The following PRRX2 variants were observed in gnomAD, a reference collection of about 807,000 sequenced individuals.
PRRX2 encodes the protein paired related homeobox 2.
Under a neutral mutation model 18.0 loss-of-function variants are expected in PRRX2, and 11 were observed. That is an observed-to-expected ratio of 0.61 (90% CI 0.39 to 1.01). The LOEUF (loss-of-function observed/expected upper bound fraction) is 1.01. PRRX2 is among the 50% of genes least tolerant of loss of function. The probability of loss-of-function intolerance (pLI) is 0.01; values close to 1 mark genes in which losing one functional copy is unlikely to be tolerated. For missense variants in PRRX2, 387 were observed against 351.0 expected (o/e 1.10, Z -0.82); for synonymous variants, 177 against 154.8 (o/e 1.14, Z -1.06).
rs1370496604 is a variant in PRRX2 at position 129,709,793 on chromosome 9, G to A, written c.260-9438G>A. Among the ~76,000 whole-genome samples the A allele has an allele frequency of 6.6e-6, 1 of 151,774 alleles. No homozygotes were observed. Among genetic ancestry groups the A allele is most frequent in the Admixed American group, 6.6e-5 (1 of 15,248 alleles). ...CCTCCCCCAGCCTCTTCCTCACTCG[G>A]AGGACGTGTCCTCACCAGGCCTCCA... On this transcript the variant is annotated intron_variant, in intron 1 of 3. Transcript: ENST00000372469. The surrounding 1 kb of genome is among the most constrained non-coding windows in gnomAD (Gnocchi z 4.2).
intron 1 of PRRX2, among the ~76,000 whole-genome samples, chr9:129,692,100 C>T (rs1832367772): frequency 6.6e-6 from 1 of 151,044 alleles, no homozygotes; most frequent in Non-Finnish European, 1.5e-5. Flanking sequence ...TACACACCAC[C>T]ACGCCTGGCT....
intron 1 of PRRX2, among the ~76,000 whole-genome samples, chr9:129,698,434 G>A (rs1479286496): frequency 6.6e-6 from 1 of 152,220 alleles, no homozygotes; most frequent in East Asian, 1.9e-4. Flanking sequence ...AGTTCCCCCT[G>A]GTGTGCAGCC....
chr9:129,666,625 C>T (rs1441917772), intron 1 of PRRX2, among the ~76,000 whole-genome samples: 2 of 148,806 alleles, frequency 1.3e-5, no homozygotes, highest in African/African-American at 2.5e-5. Flanking sequence ...TGGAACGGCC[C>T]AGCCAGGCCT....
chr9:129,695,284 C>T lies in PRRX2; in HGVS notation c.260-23947C>T, dbSNP rs1398563352. Among the ~76,000 whole-genome samples the T allele has an allele frequency of 6.6e-6, 1 of 152,164 alleles. No homozygotes were observed. ...CTGGCTAAGGGGGACAGAGGAGAGG[C>T]CATGGAGGAGAAGGAAAGGCAAGAG... On this transcript the variant is annotated intron_variant, in intron 1 of 3. Coordinates refer to ENST00000372469, the MANE Select transcript of PRRX2 (RefSeq NM_016307.4). The surrounding 1 kb of genome is among the most constrained non-coding windows in gnomAD (Gnocchi z 4.8).
chr9:129,694,054 G>A lies in PRRX2; in HGVS notation c.260-25177G>A, dbSNP rs111416861. Among the ~76,000 whole-genome samples the A allele has an allele frequency of 3.0e-3, 457 of 152,224 alleles. 2 individuals are homozygous for A. The highest frequency in any genetic ancestry group is 0.01 in the African/African-American group (422 of 41,530). ...GAAGCTCATCCACCAGAGACCCTCC[G>A]AATCCTCCACAACACAGGGTTCTAA... is the stretch of plus-strand genomic sequence containing the variant. On this transcript the variant is annotated intron_variant, in intron 1 of 3. Coordinates refer to ENST00000372469, the MANE Select transcript of PRRX2 (RefSeq NM_016307.4).
intron 1 of PRRX2, among the ~76,000 whole-genome samples, chr9:129,690,776 G>T (rs929258885): frequency 6.6e-6 from 1 of 151,700 alleles, no homozygotes; most frequent in Non-Finnish European, 1.5e-5. Flanking sequence ...AAAGTGCTGG[G>T]ATTACAGGCA....
chr9:129,682,356 T>C (rs900236245), intron 1 of PRRX2, among the ~76,000 whole-genome samples: 2 of 152,056 alleles, frequency 1.3e-5, no homozygotes, highest in Non-Finnish European at 2.9e-5. Flanking sequence ...GCCATTGCTA[T>C]TATTCGCAAC....
At position 129,715,747 on chromosome 9, in the gene PRRX2, T is replaced by TTCTCTCTCTCTCTCTCTCTC. The variant is rs111270890; in HGVS notation, c.260-3480_260-3479insTCTCTCTCTCTCTCTCTCTC. On this transcript the variant is annotated intron_variant, in intron 1 of 3. Coordinates refer to ENST00000372469, the MANE Select transcript of PRRX2 (RefSeq NM_016307.4). This position sits in a 1 kb window ranked among gnomAD's most constrained non-coding sequence, Gnocchi z 4.0. ...TCCAAACCCAGCTTCAGGGACATCT[T>TTCTCTCTCTCTCTCTCTCTC]TCTCACACACACACACACACACACA... Among the ~76,000 whole-genome samples the TTCTCTCTCTCTCTCTCTCTC allele has an allele frequency of 8.9e-6, 1 of 112,786 alleles. No homozygotes were observed. The allele number at this position is 112,786 out of a possible 152,430, so 74.0% of individuals were successfully genotyped here.
intron 1 of PRRX2, among the ~76,000 whole-genome samples, chr9:129,673,449 C>G (rs1330004099): frequency 6.6e-5 from 10 of 152,032 alleles, no homozygotes; most frequent in Admixed American, 6.6e-4. Flanking sequence ...AGAACAAGAC[C>G]CTGTCTCAAA....
At position 129,695,031 on chromosome 9, in the gene PRRX2, G is replaced by A. The variant is rs953066225; in HGVS notation, c.260-24200G>A. The stretch of plus-strand genomic sequence containing the variant: ...GGGCGAGCTGCAGGCTGGCTCAGAG[G>A]GGTCTGGGGGCAGGGTCCCAGTACC... On this transcript the variant is annotated intron_variant, in intron 1 of 3. Transcript: ENST00000372469. The surrounding 1 kb of genome is among the most constrained non-coding windows in gnomAD (Gnocchi z 4.8). Among the ~76,000 whole-genome samples the A allele has an allele frequency of 3.9e-5, 6 of 152,148 alleles. No individual in the cohort carries two copies. The highest frequency in any genetic ancestry group is 8.8e-5 in the Non-Finnish European group (6 of 68,026).
intron 1 of PRRX2, chr9:129,713,137 C>G (rs1832652605): frequency 6.6e-6 from 1 of 152,244 alleles, no homozygotes; most frequent in African/African-American, 2.4e-5. Context: ...GGTCCTCCTC[C>G]CCGTCCGCGT....
chr9:129,691,551 T>G (rs1832361048), intron 1 of PRRX2, among the ~76,000 whole-genome samples: 1 of 152,150 alleles, frequency 6.6e-6, no homozygotes, highest in Non-Finnish European at 1.5e-5. Context: ...ATGTTGTGGC[T>G]TGAAATTGGC....
intron 1 of PRRX2, among the ~76,000 whole-genome samples, chr9:129,678,376 G>A (rs1588163002): frequency 6.6e-6 from 1 of 152,162 alleles, no homozygotes; most frequent in Non-Finnish European, 1.5e-5. Flanking sequence ...CCTACTGCAC[G>A]CCAGGCCCTG....
At chr9:129,682,935 C>CCG (rs1588164420) in intron 1 of PRRX2, among the ~76,000 whole-genome samples, 1 of 151,922 alleles carries the variant, frequency 6.6e-6, no homozygotes, top group African/African-American at 2.4e-5. Context: ...TGAACCCCCC[C>CCG]CATCTCTACT....
chr9:129,705,272 C>T (rs529082498), intron 1 of PRRX2, among the ~76,000 whole-genome samples: 8 of 152,212 alleles, frequency 5.3e-5, no homozygotes, highest in African/African-American at 1.7e-4. Context: ...GGCACCAAAA[C>T]GCAGGGGCTG....
chr9:129,697,442 C>T (rs1247431712), intron 1 of PRRX2, among the ~76,000 whole-genome samples: 3 of 151,580 alleles, frequency 2.0e-5, no homozygotes, highest in Non-Finnish European at 2.9e-5. Context: ...GTCTGTGTGT[C>T]TGGGCCGCGG....
chr9:129,683,487 G>A (rs982129080), intron 1 of PRRX2, among the ~76,000 whole-genome samples: 3 of 152,128 alleles, frequency 2.0e-5, no homozygotes, highest in Non-Finnish European at 2.9e-5. Flanking sequence ...TGTAATCCCA[G>A]CACTTTGGGA....
Position 129,675,878 on chromosome 9 carries a change from A to T in PRRX2, c.259+9752A>T, listed in dbSNP as rs1048186245. 2.6e-5 allele frequency among the ~76,000 whole-genome samples: 4 copies of T among 152,300 alleles called. No homozygotes were observed. The highest frequency in any genetic ancestry group is 2.9e-5 in the Non-Finnish European group (2 of 68,018). Reference sequence around the variant, plus strand: ...CCGTATAAAACCCCGCAGAACGCCGAGGTCTTGAAAGCCAGTGCACCTCCT... The same window carrying T: ...CCGTATAAAACCCCGCAGAACGCCGTGGTCTTGAAAGCCAGTGCACCTCCT... On this transcript the variant is annotated intron_variant, in intron 1 of 3. Transcript: ENST00000372469. This position sits in a 1 kb window ranked among gnomAD's most constrained non-coding sequence, Gnocchi z 4.4.
rs1302464143 is a variant in PRRX2 at position 129,720,697 on chromosome 9, C to A, written c.549C>A (p.Ala183=). 1.2e-6 allele frequency: 2 copies of A among 1,613,352 alleles called. No homozygotes were observed. Among genetic ancestry groups the A allele is most frequent in the Non-Finnish European group, 1.7e-6 (2 of 1,179,822 alleles). Reference sequence around the variant, plus strand: ...TCAAGTCCTACAGCCAGGAGGCCGCCATCGAGCAGCCCGTGGCTCCCCGGC... The same window carrying A: ...TCAAGTCCTACAGCCAGGAGGCCGCAATCGAGCAGCCCGTGGCTCCCCGGC... ...SLLKSYSQEA[A]IEQPVAPRPT... is the part of the protein sequence containing the mutation. Residue 183 remains alanine, a synonymous_variant, in exon 3 of 4, where the codon GCC becomes GCA. Coordinates refer to ENST00000372469, the MANE Select transcript of PRRX2 (RefSeq NM_016307.4).
Sources: gnomAD v4.1 joint callset for allele counts (sites outside exome capture counted in the v4.1 genomes callset) on GRCh38, gnomAD v4.1.1 for gene constraint, Gnocchi (gnomAD v3.1) non-coding constraint, MANE v1.5 for transcripts, NCBI Gene and HGNC (gene_info 2026-07-23, HGNC 2026-07-21) for gene names.